ADNP: variants seen among roughly 807,000 people sequenced by gnomAD.
The protein encoded by ADNP is activity dependent neuroprotector homeobox.
Under a neutral mutation model 84.9 loss-of-function variants are expected in ADNP, and 4 were observed. The ratio of observed to expected loss-of-function variants is 0.05; its 90% confidence interval spans 0.02 to 0.11. ADNP has a LOEUF of 0.11. Among genes scored for constraint, ADNP ranks in the 10% least tolerant of loss-of-function variants. The probability of loss-of-function intolerance (pLI) is 1.00; values close to 1 mark genes in which losing one functional copy is unlikely to be tolerated. For missense variants in ADNP, 1,132 were observed against 1,326.0 expected (o/e 0.85, Z 2.27); for synonymous variants, 554 against 468.1 (o/e 1.18, Z -2.37).
At chr20:50,925,052 T>C (rs1238743159) in intron 2 of ADNP, among the ~76,000 whole-genome samples, 1 of 152,096 alleles carries the variant, frequency 6.6e-6, no homozygotes, top group Admixed American at 6.5e-5. Context: ...GGAACCAAGG[T>C]AGGGATCAAT....
Position 50,891,227 on chromosome 20 carries a change from G to A in ADNP, c.*178C>T. On this transcript the variant is annotated 3_prime_UTR_variant, in exon 6 of 6. Coordinates refer to ENST00000621696, the MANE Select transcript of ADNP (RefSeq NM_001282531.3). ...CGTGTCTGTCAGAGAAGGTTCTGAA[G>A]CAAGAACAGCCTGTCCTGTCATAGA... 7.4e-7 allele frequency: 1 copy of A among 1,351,936 alleles called. No homozygotes were observed. Among genetic ancestry groups the A allele is most frequent in the South Asian group, 2.1e-5 (1 of 47,200 alleles). The allele number at this position is 1,351,936 out of a possible 1,614,324, so 83.7% of individuals were successfully genotyped here.
chr20:50,929,025 G>C lies in ADNP; in HGVS notation c.-264-200C>G, dbSNP rs113320405. Among the ~76,000 whole-genome samples the C allele has an allele frequency of 7.7e-3, 1,172 of 152,270 alleles. 23 individuals are homozygous for C. The highest frequency in any genetic ancestry group is 0.026 in the African/African-American group (1,085 of 41,546). Reference sequence around the variant, plus strand: ...AGTTCGACAATGAAGAACCCAACATGGGCTTGATGTTTACCAACAAGGCTT... The same window carrying C: ...AGTTCGACAATGAAGAACCCAACATCGGCTTGATGTTTACCAACAAGGCTT... On this transcript the variant is annotated intron_variant, in intron 1 of 5. Transcript: ENST00000621696.
At chr20:50,909,719 T>C (rs1167631370) in intron 2 of ADNP, 2 of 152,234 alleles carry the variant, frequency 1.3e-5, no homozygotes, top group Non-Finnish European at 2.9e-5. Flanking sequence ...CTGCCACGAT[T>C]GATGGAAGAC....
chr20:50,889,964 G>GAA lies in ADNP; in HGVS notation c.*1439_*1440dup, dbSNP rs3834656. The stretch of plus-strand genomic sequence containing the variant: ...AACGAACGTTTAACTTCATCTAGAA[G>GAA]AAAAAACAAACAAAAAACCCATCAG... On this transcript the variant is annotated 3_prime_UTR_variant, in exon 6 of 6. Coordinates refer to ENST00000621696, the MANE Select transcript of ADNP (RefSeq NM_001282531.3). 3 of 396,940 alleles carry GAA rather than the reference G, an allele frequency of 7.6e-6. No individual in the cohort carries two copies. In the East Asian group the frequency reaches 1.1e-4, roughly 14 times the overall value. The allele number at this position is 396,940 out of a possible 1,614,324, so 24.6% of individuals were successfully genotyped here.
rs189208692 is a variant in ADNP at position 50,891,999 on chromosome 20, G to A, written c.2715C>T (p.Asn905=). 185 of 1,614,134 alleles carry A rather than the reference G, an allele frequency of 1.1e-4. No homozygotes were observed. The highest frequency in any genetic ancestry group is 6.0e-4 in the Admixed American group (36 of 60,018). Residue 905 remains asparagine, a synonymous_variant, in exon 6 of 6, where the codon AAC becomes AAT. Transcript: ENST00000621696. ...PVFEVEPKIS[N]DNPEEHVLKV... is the part of the protein sequence containing the mutation. The stretch of plus-strand genomic sequence containing the variant: ...TCAGTACATGTTCCTCTGGGTTATC[G>A]TTAGAGATTTTAGGTTCAACTTCAA...
In ADNP at chr20:50,913,971, T is replaced by A. The variant is rs1983298820; in HGVS notation, c.-89-9122A>T. On this transcript the variant is annotated intron_variant, in intron 2 of 5. Coordinates refer to ENST00000621696, the MANE Select transcript of ADNP (RefSeq NM_001282531.3). ...GGTCTCCTCTTCAGACTGCTGTTTG[T>A]GCTGGCCAGAATGAGACTGTAAAAG... The A allele has an allele frequency of 1.2e-5, 9 of 725,134 alleles. No homozygotes were observed. The Admixed American group carries it at 1.8e-4, about 14-fold the overall frequency. The allele number at this position is 725,134 out of a possible 1,614,324, so 44.9% of individuals were successfully genotyped here.
Position 50,893,194 on chromosome 20 carries a change from A to G in ADNP, c.1520T>C (p.Met507Thr). The change falls in exon 6 of 6, where the codon ATG (methionine) becomes ACG (threonine). Residue 507 changes from methionine to threonine, a missense_variant. Transcript: ENST00000621696. The surrounding 1 kb of genome is among the most constrained non-coding windows in gnomAD (Gnocchi z 4.4). ...YLPTDTLLNH[M>T]LIHGLSCPYC... is the part of the protein sequence containing the mutation. The stretch of plus-strand genomic sequence containing the variant: ...TGGACAAGACAGACCATGAATTAAC[A>G]TATGGTTGAGCAGAGTATCTGTGGG... 1 of 1,614,270 alleles carries G rather than the reference A, an allele frequency of 6.2e-7. No homozygotes were observed. The highest frequency in any genetic ancestry group is 8.5e-7 in the Non-Finnish European group (1 of 1,180,044).
intron 5 of ADNP, among the ~76,000 whole-genome samples, chr20:50,894,742 A>G (rs2122766969): frequency 6.6e-6 from 1 of 152,220 alleles, no homozygotes; most frequent in African/African-American, 2.4e-5. Flanking sequence ...TAAAAATACA[A>G]AAAAATAAGC....
chr20:50,923,154 A>G (rs1984068504), intron 2 of ADNP, among the ~76,000 whole-genome samples: 1 of 152,200 alleles, frequency 6.6e-6, no homozygotes, highest in African/African-American at 2.4e-5. Flanking sequence ...ACCAGTATGT[A>G]TCACAACACC....
In ADNP at chr20:50,890,290, A is replaced by G. The variant is rs1980550868; in HGVS notation, c.*1115T>C. On this transcript the variant is annotated 3_prime_UTR_variant, in exon 6 of 6. Coordinates refer to ENST00000621696, the MANE Select transcript of ADNP (RefSeq NM_001282531.3). ...TCTGATGAAAGAGTTATGGCATTAA[A>G]TGGCAAAAGATATAATGGACACACA... The G allele has an allele frequency of 6.0e-6, 1 of 166,418 alleles. No homozygotes were observed. The highest frequency in any genetic ancestry group is 2.0e-4 in the South Asian group (1 of 4,960). The allele number at this position is 166,418 out of a possible 1,614,324, so 10.3% of individuals were successfully genotyped here. A position where few individuals can be genotyped will look rare whatever the true frequency, so the allele number is the denominator to read the frequency against.
intron 5 of ADNP, among the ~76,000 whole-genome samples, chr20:50,901,321 T>A (rs867276664): frequency 1.2e-4 from 11 of 92,754 alleles, no homozygotes; most frequent in African/African-American, 3.3e-4. Flanking sequence ...CTGGGGTATT[T>A]AAAAAAAAAA....
chr20:50,895,114 A>G (rs1981243730), intron 5 of ADNP, among the ~76,000 whole-genome samples: 1 of 152,208 alleles, frequency 6.6e-6, no homozygotes, highest in African/African-American at 2.4e-5. Context: ...AAATAACAAG[A>G]ATAACCTAAA....
At chr20:50,925,768 T>C (rs1256975271) in intron 2 of ADNP, among the ~76,000 whole-genome samples, 4 of 152,172 alleles carry the variant, frequency 2.6e-5, no homozygotes, top group Admixed American at 2.0e-4. Flanking sequence ...ATCAGCAAAA[T>C]ACGGCATTTA....
intron 5 of ADNP, among the ~76,000 whole-genome samples, chr20:50,895,458 T>A (rs747018148): frequency 6.6e-6 from 1 of 152,212 alleles, no homozygotes; most frequent in Non-Finnish European, 1.5e-5. Flanking sequence ...CTTACAGGAC[T>A]AGAAGTTACT....
At chr20:50,903,313 G>A (rs987944589) in intron 4 of ADNP, among the ~76,000 whole-genome samples, 3 of 152,156 alleles carry the variant, frequency 2.0e-5, no homozygotes, top group African/African-American at 7.2e-5. Flanking sequence ...AAAACAGCTT[G>A]AAAAACAGTT....
rs1387331712 is a variant in ADNP, at chr20:50,921,737, G to GA, written c.-90+6913dup. On this transcript the variant is annotated intron_variant, in intron 2 of 5. Transcript: ENST00000621696. ...GAAGATGATGCCTGAGGGACAAGGTGAAAGCTGGGCAGCCAGAGGTCTGGC... is the reference window on the plus strand; with the variant it reads ...GAAGATGATGCCTGAGGGACAAGGTGAAAAGCTGGGCAGCCAGAGGTCTGGC... 3.9e-5 allele frequency among the ~76,000 whole-genome samples: 6 copies of GA among 152,338 alleles called. No individual in the cohort carries two copies. The South Asian group carries it at 1.0e-3, about 26-fold the overall frequency.
At chr20:50,925,928 C>A (rs948101939) in intron 2 of ADNP, among the ~76,000 whole-genome samples, 17 of 152,344 alleles carry the variant, frequency 1.1e-4, no homozygotes, top group African/African-American at 4.1e-4. Context: ...TGGCGAAATC[C>A]CATCTCTACT....
rs999891002 is a variant in ADNP at position 50,904,238 on chromosome 20, G to C, written c.-5-237C>G. Reference sequence around the variant, plus strand: ...AGACAGAGTCTTACTCTGTCGCGCAGGCTGGAGTGCAGTGCACTCATGGTT... The same window carrying C: ...AGACAGAGTCTTACTCTGTCGCGCACGCTGGAGTGCAGTGCACTCATGGTT... On this transcript the variant is annotated intron_variant, in intron 3 of 5. Transcript: ENST00000621696. 6.2e-6 allele frequency: 3 copies of C among 485,104 alleles called. No homozygotes were observed. In the East Asian group the frequency reaches 1.1e-4, roughly 18 times the overall value. 30.0% of individuals were successfully genotyped at this position (485,104 alleles called of 1,614,324 possible).
chr20:50,925,162 T>C (rs949032349), intron 2 of ADNP, among the ~76,000 whole-genome samples: 1 of 152,008 alleles, frequency 6.6e-6, no homozygotes, highest in Non-Finnish European at 1.5e-5. Context: ...AACAGTAATA[T>C]GAATTTTGCA....
Sources: gnomAD v4.1 joint callset for allele counts (sites outside exome capture counted in the v4.1 genomes callset) on GRCh38, gnomAD v4.1.1 for gene constraint, Gnocchi (gnomAD v3.1) non-coding constraint, MANE v1.5 for transcripts, NCBI Gene and HGNC (gene_info 2026-07-23, HGNC 2026-07-21) for gene names.